The following NKAIN3 variants were observed in gnomAD, a reference collection of about 807,000 sequenced individuals.
The protein encoded by NKAIN3 is sodium/potassium transporting ATPase interacting 3.
Under a neutral mutation model 30.2 loss-of-function variants are expected in NKAIN3, and 25 were observed. That is an observed-to-expected ratio of 0.83 (90% CI 0.60 to 1.16). The LOEUF is 1.16. Ranked by LOEUF, NKAIN3 falls within the 50% of genes most tolerant of loss-of-function variation. The pLI is 0.00. For synonymous variants in NKAIN3, 91 were observed against 89.6 expected, an observed-to-expected ratio of 1.02 and a Z score of -0.09; for missense variants, 225 against 254.1, an observed-to-expected ratio of 0.89 and a Z score of 0.78.
chr8:62,871,990 A>G (rs1052684975), intron 4 of NKAIN3, among the ~76,000 whole-genome samples: 1 of 152,264 alleles, frequency 6.6e-6, no homozygotes, highest in African/African-American at 2.4e-5. Flanking sequence ...CACATATACA[A>G]TGGTGGTTCC....
chr8:62,904,430 C>T (rs1213781219), intron 4 of NKAIN3, among the ~76,000 whole-genome samples: 3 of 152,228 alleles, frequency 2.0e-5, no homozygotes, highest in African/African-American at 7.2e-5. Context: ...GTTTATACTT[C>T]ATCCATCTGT....
intron 6 of NKAIN3, among the ~76,000 whole-genome samples, chr8:62,964,114 G>C (rs1437031587): frequency 6.6e-6 from 1 of 152,152 alleles, no homozygotes; most frequent in African/African-American, 2.4e-5. Context: ...ATGAGGCCTG[G>C]ATGCCACCAG....
chr8:62,280,168 CTCTG>C (rs929753531), intron 1 of NKAIN3, among the ~76,000 whole-genome samples: 3 of 93,112 alleles, frequency 3.2e-5, no homozygotes, highest in African/African-American at 1.1e-4. Flanking sequence ...CGATTTGGCT[CTCTG>C]TTTGTCTGTT....
intron 3 of NKAIN3, among the ~76,000 whole-genome samples, chr8:62,604,659 A>G (rs540381731): frequency 6.6e-6 from 1 of 152,174 alleles, no homozygotes; most frequent in African/African-American, 2.4e-5. Context: ...TAATTTTCTA[A>G]AAGAATAGAA....
chr8:62,394,762 G>A (rs1239433316), intron 1 of NKAIN3, among the ~76,000 whole-genome samples: 4 of 150,902 alleles, frequency 2.7e-5, no homozygotes, highest in Admixed American at 1.3e-4. Flanking sequence ...GGGCAGAGGC[G>A]CTCATCACTT....
chr8:62,507,350 T>C (rs976004084), intron 1 of NKAIN3, among the ~76,000 whole-genome samples: 1 of 152,204 alleles, frequency 6.6e-6, no homozygotes, highest in African/African-American at 2.4e-5. Flanking sequence ...AACTATCTAG[T>C]TCTGCACACA....
chr8:62,327,481 C>T (rs1017965662), intron 1 of NKAIN3, among the ~76,000 whole-genome samples: 1 of 151,976 alleles, frequency 6.6e-6, no homozygotes, highest in African/African-American at 2.4e-5. Context: ...CTGCTTTTAG[C>T]TAATTTTTGT....
At chr8:62,999,466 CA>C (rs1804204662) in exon 6 of NKAIN3, 1 of 152,222 alleles carries the variant, frequency 6.6e-6, no homozygotes, top group African/African-American at 2.4e-5. Flanking sequence ...CCTCATGACA[CA>C]AACACTGCTA....
intron 3 of NKAIN3, among the ~76,000 whole-genome samples, chr8:62,707,604 C>T (rs993099033): frequency 3.3e-5 from 5 of 151,976 alleles, no homozygotes; most frequent in African/African-American, 1.2e-4. Flanking sequence ...TGTTTGAGTT[C>T]ATTGTAGATT....
chr8:62,355,944 A>G (rs1193753361), intron 1 of NKAIN3, among the ~76,000 whole-genome samples: 5 of 152,198 alleles, frequency 3.3e-5, no homozygotes, highest in African/African-American at 7.2e-5. Context: ...ATGATCTCTA[A>G]AAATTAACAA....
rs529686162 is a variant in NKAIN3 at position 62,649,357 on chromosome 8, G to A, written c.273+59563G>A. ...ATGGTCCAACTGCAAACAATTGTGAGTGACTCCTCTAAGCATAGGGGTGGC... is the reference window on the plus strand; with the variant it reads ...ATGGTCCAACTGCAAACAATTGTGAATGACTCCTCTAAGCATAGGGGTGGC... On this transcript the variant is annotated intron_variant, in intron 3 of 6. Transcript: ENST00000623646. 4.5e-4 allele frequency among the ~76,000 whole-genome samples: 69 copies of A among 152,290 alleles called. No individual in the cohort carries two copies. The South Asian group carries it at 0.014, about 31-fold the overall frequency.
chr8:62,344,739 C>T (rs1363921072), intron 1 of NKAIN3: 2 of 295,524 alleles, frequency 6.8e-6, no homozygotes, highest in Admixed American at 4.3e-5. Flanking sequence ...GCTGTCAGTA[C>T]TCCAGTTTGC....
chr8:62,581,371 C>T (rs146340068), intron 2 of NKAIN3, among the ~76,000 whole-genome samples: 7 of 152,144 alleles, frequency 4.6e-5, no homozygotes, highest in East Asian at 3.9e-4. Context: ...TATTCTGCTG[C>T]GAAACAAAAT....
At chr8:62,713,801 T>G (rs536660403) in intron 3 of NKAIN3, among the ~76,000 whole-genome samples, 41 of 152,190 alleles carry the variant, frequency 2.7e-4, no homozygotes, top group African/African-American at 7.7e-4. Context: ...GCAAATGGAG[T>G]TTTAGTTTAT....
rs115460631 is a variant in NKAIN3 at position 62,818,401 on chromosome 8, A to T, written c.471+71272A>T. On this transcript the variant is annotated intron_variant, in intron 4 of 6. Transcript: ENST00000623646. ...TTCATTCAAGAACTAGGCAGTTCTG[A>T]GGAAAAACAAATGATATGCCATATA... is the stretch of plus-strand genomic sequence containing the variant. Among the ~76,000 whole-genome samples the T allele has an allele frequency of 1.1e-3, 172 of 152,290 alleles. 1 individual carries two copies. The highest frequency in any genetic ancestry group is 3.8e-3 in the African/African-American group (159 of 41,580).
intron 4 of NKAIN3, among the ~76,000 whole-genome samples, chr8:62,876,947 G>T (rs1301835220): frequency 2.0e-5 from 3 of 146,516 alleles, no homozygotes; most frequent in Admixed American, 2.0e-4. Context: ...AAGAAATAAA[G>T]AAAAAATTTT....
At chr8:62,496,006 C>T (rs1585871751) in intron 1 of NKAIN3, among the ~76,000 whole-genome samples, 1 of 152,270 alleles carries the variant, frequency 6.6e-6, no homozygotes, top group East Asian at 1.9e-4. Context: ...GGAATTTTGA[C>T]TACAGTAAAT....
At chr8:62,262,865 T>G (rs1812487666) in intron 1 of NKAIN3, among the ~76,000 whole-genome samples, 1 of 152,170 alleles carries the variant, frequency 6.6e-6, no homozygotes, top group South Asian at 2.1e-4. Context: ...TATACACACT[T>G]TTTAACTCCT....
At chr8:62,759,622 C>G (rs1222729430) in intron 4 of NKAIN3, among the ~76,000 whole-genome samples, 1 of 152,120 alleles carries the variant, frequency 6.6e-6, no homozygotes, top group Non-Finnish European at 1.5e-5. Flanking sequence ...AAAGATAATA[C>G]TCAGATTTTG....
Sources: gnomAD v4.1 joint callset for allele counts (sites outside exome capture counted in the v4.1 genomes callset) on GRCh38, gnomAD v4.1.1 for gene constraint, MANE v1.5 for transcripts, NCBI Gene and HGNC (gene_info 2026-07-23, HGNC 2026-07-21) for gene names.